SERGEF: variants seen among roughly 807,000 people sequenced by gnomAD.
SERGEF encodes secretion-regulating guanine nucleotide exchange factor.
In SERGEF, 51 loss-of-function variants were observed where a neutral mutation model predicts 50.0. The observed-to-expected ratio is 1.02, with a 90% CI of 0.81 to 1.29. The LOEUF is 1.29. Ranked by LOEUF, SERGEF falls within the 50% of genes most tolerant of loss-of-function variation. The pLI, the probability that SERGEF is intolerant of heterozygous loss-of-function variation, is 0.00. For synonymous variants in SERGEF, 205 were observed against 212.4 expected, an observed-to-expected ratio of 0.97 and a Z score of 0.30; for missense variants, 521 against 557.0, an observed-to-expected ratio of 0.94 and a Z score of 0.65.
chr11:17,801,035 A>G (rs1849659236), intron 10 of SERGEF, among the ~76,000 whole-genome samples: 1 of 152,006 alleles, frequency 6.6e-6, no homozygotes, highest in African/African-American at 2.4e-5. Context: ...CTCTACTAAA[A>G]ATACAAAAAA....
At chr11:17,992,692 T>A (rs1269060596) in intron 7 of SERGEF, among the ~76,000 whole-genome samples, 1 of 152,250 alleles carries the variant, frequency 6.6e-6, no homozygotes, top group Non-Finnish European at 1.5e-5. Flanking sequence ...AGCCTATGTC[T>A]GCTATTCATG....
At chr11:17,935,898 G>A (rs1354881160) in intron 9 of SERGEF, among the ~76,000 whole-genome samples, 1 of 152,164 alleles carries the variant, frequency 6.6e-6, no homozygotes, top group Non-Finnish European at 1.5e-5. Flanking sequence ...GGGGAGATGG[G>A]GCAGCAGAGT....
chr11:17,812,086 C>T (rs1168180872), intron 10 of SERGEF, among the ~76,000 whole-genome samples: 1 of 152,198 alleles, frequency 6.6e-6, no homozygotes, highest in Non-Finnish European at 1.5e-5. Flanking sequence ...GGGCAGGAGG[C>T]AGCTGGTGGG....
chr11:17,943,353 T>G (rs887072949), intron 9 of SERGEF, among the ~76,000 whole-genome samples: 3 of 152,184 alleles, frequency 2.0e-5, no homozygotes, highest in African/African-American at 7.2e-5. Flanking sequence ...GTTGCTGAAT[T>G]TATAGGCATA....
At chr11:17,973,961 G>A (rs962127229) in intron 8 of SERGEF, among the ~76,000 whole-genome samples, 8 of 152,186 alleles carry the variant, frequency 5.3e-5, no homozygotes, top group South Asian at 2.1e-4. Flanking sequence ...ATAATCAGGA[G>A]ACTTAGAGTC....
intron 10 of SERGEF, among the ~76,000 whole-genome samples, chr11:17,834,611 T>C (rs1040477564): frequency 6.6e-6 from 1 of 152,218 alleles, no homozygotes; most frequent in African/African-American, 2.4e-5. Context: ...GATGATCTGA[T>C]CCTAACCTTT....
rs115023513 is a variant in SERGEF, at chr11:18,012,415, C to T, written c.60+536G>A. The stretch of plus-strand genomic sequence containing the variant: ...CAAACCAACAGCAGCCCAACTCCCC[C>T]AACACATGCAAGAACCGGTCACAGC... On this transcript the variant is annotated intron_variant, in intron 1 of 10. Coordinates refer to ENST00000265965, the MANE Select transcript of SERGEF (RefSeq NM_012139.4). 7.6e-4 allele frequency: 679 copies of T among 890,314 alleles called. 7 individuals carry two copies. The African/African-American group carries it at 0.012, about 15-fold the overall frequency. The allele number at this position is 890,314 out of a possible 1,614,324, so 55.2% of individuals were successfully genotyped here.
At chr11:17,819,157 G>A (rs1187959424) in intron 10 of SERGEF, among the ~76,000 whole-genome samples, 2 of 152,126 alleles carry the variant, frequency 1.3e-5, no homozygotes, top group Non-Finnish European at 2.9e-5. Flanking sequence ...AAGAATTTCA[G>A]GATCTTCATA....
chr11:17,896,925 A>C, intron 9 of SERGEF, among the ~76,000 whole-genome samples: 1 of 133,804 alleles, frequency 7.5e-6, no homozygotes, highest in Admixed American at 7.2e-5. Flanking sequence ...AGGGAAGGGA[A>C]GGGAAGGGAA....
At chr11:17,955,545 G>A (rs2133967809) in intron 9 of SERGEF, among the ~76,000 whole-genome samples, 1 of 152,316 alleles carries the variant, frequency 6.6e-6, no homozygotes, top group Admixed American at 6.5e-5. Flanking sequence ...AATCCAAGAA[G>A]GCAGTGTCAC....
intron 10 of SERGEF, among the ~76,000 whole-genome samples, chr11:17,802,734 C>T (rs1317673457): frequency 2.0e-5 from 3 of 152,090 alleles, no homozygotes; most frequent in Non-Finnish European, 4.4e-5. Context: ...CCCCAGATAA[C>T]CATATGGCTC....
chr11:17,795,601 C>A (rs1319306397), intron 10 of SERGEF, among the ~76,000 whole-genome samples: 1 of 152,198 alleles, frequency 6.6e-6, no homozygotes, highest in Non-Finnish European at 1.5e-5. Flanking sequence ...CCCCTGTTCC[C>A]CAACTCAGTG....
At chr11:17,857,071 C>G (rs1850834498) in intron 10 of SERGEF, among the ~76,000 whole-genome samples, 1 of 152,108 alleles carries the variant, frequency 6.6e-6, no homozygotes, top group East Asian at 1.9e-4. Flanking sequence ...AGAAACTACC[C>G]AGAAACAAGC....
At chr11:17,961,131 C>T (rs770400233) in intron 8 of SERGEF, among the ~76,000 whole-genome samples, 2 of 152,138 alleles carry the variant, frequency 1.3e-5, no homozygotes, top group South Asian at 4.1e-4. Context: ...CGCCATTTGG[C>T]AGGTGAAAAA....
intron 10 of SERGEF, among the ~76,000 whole-genome samples, chr11:17,823,010 T>C (rs1850111048): frequency 6.6e-6 from 1 of 152,198 alleles, no homozygotes; most frequent in African/African-American, 2.4e-5. Context: ...CGTCATATTG[T>C]ATTTAGATTT....
intron 8 of SERGEF, among the ~76,000 whole-genome samples, chr11:17,987,698 T>C (rs1489526630): frequency 6.6e-6 from 1 of 152,204 alleles, no homozygotes; most frequent in Non-Finnish European, 1.5e-5. Flanking sequence ...ATGCGTAGTA[T>C]ATGTGACTTA....
intron 10 of SERGEF, among the ~76,000 whole-genome samples, chr11:17,805,721 A>G (rs141076581): frequency 6.6e-6 from 1 of 152,318 alleles, no homozygotes; most frequent in African/African-American, 2.4e-5. Flanking sequence ...CACCAGTGTT[A>G]GAGTCAAAAG....
At chr11:17,995,088 CAGAGAGAGAGAAAGAA>C (rs1853808225) in intron 6 of SERGEF, among the ~76,000 whole-genome samples, 1 of 151,302 alleles carries the variant, frequency 6.6e-6, no homozygotes, top group African/African-American at 2.4e-5. Flanking sequence ...ACAAGGAGAG[CAGAGAGAGAGAAAGAA>C]AGAGAGAGAG....
chr11:17,886,136 T>C (rs1462874656), intron 9 of SERGEF, among the ~76,000 whole-genome samples: 1 of 152,132 alleles, frequency 6.6e-6, no homozygotes, highest in Non-Finnish European at 1.5e-5. Context: ...AGTTCCCTCA[T>C]CTGTAAAACG....
Sources: gnomAD v4.1 joint callset for allele counts (sites outside exome capture counted in the v4.1 genomes callset) on GRCh38, gnomAD v4.1.1 for gene constraint, MANE v1.5 for transcripts, NCBI Gene and HGNC (gene_info 2026-07-23, HGNC 2026-07-21) for gene names.